DCC: variants seen among roughly 807,000 people sequenced by gnomAD.
The protein encoded by DCC is DCC netrin 1 receptor, also known as netrin receptor DCC.
DCC carries 58 observed loss-of-function variants against 172.5 expected under a neutral mutation model. The observed-to-expected ratio is 0.34, with a 90% CI of 0.27 to 0.42. The LOEUF (loss-of-function observed/expected upper bound fraction) is 0.42. DCC is among the 10% of genes least tolerant of loss of function. The probability of loss-of-function intolerance (pLI) is 1.00; values close to 1 mark genes in which losing one functional copy is unlikely to be tolerated. For synonymous variants in DCC, 709 were observed against 644.5 expected, an observed-to-expected ratio of 1.10 and a Z score of -1.52; for missense variants, 1,740 against 1,791.0, an observed-to-expected ratio of 0.97 and a Z score of 0.51.
chr18:53,443,328 G>A (rs986293381), intron 22 of DCC, among the ~76,000 whole-genome samples: 22 of 152,114 alleles, frequency 1.4e-4, no homozygotes, highest in African/African-American at 5.3e-4. Context: ...AATCTACTCT[G>A]CCTGTACCCT....
At chr18:52,777,879 G>T (rs1351640496) in intron 2 of DCC, among the ~76,000 whole-genome samples, 1 of 152,160 alleles carries the variant, frequency 6.6e-6, no homozygotes, top group Non-Finnish European at 1.5e-5. Context: ...ATGGCAGAAG[G>T]TAGATGGAAA....
chr18:52,610,252 C>T (rs4940194), intron 1 of DCC, among the ~76,000 whole-genome samples: 35,086 of 100,336 alleles, frequency 0.35, 6,795 homozygotes, highest in Middle Eastern at 0.42. Context: ...TGGTGGCAGG[C>T]GCCTGTAATC....
intron 28 of DCC, among the ~76,000 whole-genome samples, chr18:53,529,326 C>T (rs191745377): frequency 8.5e-5 from 13 of 152,150 alleles, no homozygotes; most frequent in Non-Finnish European, 1.6e-4. Context: ...ACTTATTTGG[C>T]AAGATTAGAT....
chr18:53,266,976 C>T (rs979762250), intron 12 of DCC, among the ~76,000 whole-genome samples: 2 of 151,960 alleles, frequency 1.3e-5, no homozygotes, highest in Non-Finnish European at 2.9e-5. Flanking sequence ...AAGAATGCTG[C>T]TATGAATATT....
intron 5 of DCC, among the ~76,000 whole-genome samples, chr18:52,932,536 T>C (rs2040321187): frequency 6.6e-6 from 1 of 152,128 alleles, no homozygotes; most frequent in Non-Finnish European, 1.5e-5. Flanking sequence ...AGCCATTAAG[T>C]TGAACATCAG....
intron 2 of DCC, among the ~76,000 whole-genome samples, chr18:52,837,084 C>T (rs1598852583): frequency 6.6e-6 from 1 of 152,184 alleles, no homozygotes; most frequent in South Asian, 2.1e-4. Flanking sequence ...CCCCTTTTGA[C>T]CATGGCTGGA....
intron 2 of DCC, among the ~76,000 whole-genome samples, chr18:52,870,836 G>T (rs972883078): frequency 6.6e-6 from 1 of 152,020 alleles, no homozygotes; most frequent in Non-Finnish European, 1.5e-5. Context: ...AGCCTTCAGG[G>T]AGATTGATTT....
intron 1 of DCC, among the ~76,000 whole-genome samples, chr18:52,683,765 A>G (rs974013888): frequency 2.0e-5 from 3 of 152,022 alleles, no homozygotes; most frequent in East Asian, 1.9e-4. Flanking sequence ...TGCATAACCC[A>G]TAGTTTGGAA....
At chr18:53,008,619 G>T (rs12326258) in intron 5 of DCC, among the ~76,000 whole-genome samples, 37,187 of 151,602 alleles carry the variant, frequency 0.25, 5,721 homozygotes, top group African/African-American at 0.43. Context: ...TTTTTGAAAT[G>T]AGCCATTTTA....
intron 1 of DCC, among the ~76,000 whole-genome samples, chr18:52,704,520 T>C (rs1225347778): frequency 2.0e-5 from 3 of 152,194 alleles, no homozygotes; most frequent in Non-Finnish European, 4.4e-5. Flanking sequence ...ATCCTGAAAG[T>C]TTATATTTTA....
intron 12 of DCC, among the ~76,000 whole-genome samples, chr18:53,244,313 A>G (rs1020806458): frequency 3.3e-5 from 5 of 152,130 alleles, no homozygotes; most frequent in Non-Finnish European, 5.9e-5. Flanking sequence ...AAAACCAGTG[A>G]TGGGGTTCCT....
intron 1 of DCC, among the ~76,000 whole-genome samples, chr18:52,461,755 G>T (rs1988637870): frequency 6.6e-6 from 1 of 152,144 alleles, no homozygotes; most frequent in South Asian, 2.1e-4. Flanking sequence ...TCTCTACCAA[G>T]ATTTATTTGT....
chr18:53,090,698 CAAAAAAAAAAAAAAAAAAAAA>C lies in DCC; in HGVS notation c.1261+24548_1261+24568del, dbSNP rs59898050. Reference sequence around the variant, plus strand: ...GACAGAGCGAAACTCCGTCCCCCAACAAAAAAAAAAAAAAAAAAAAAAAAAAAAAAAAAAAAGAATGTATCG... The same window carrying C: ...GACAGAGCGAAACTCCGTCCCCCAACAAAAAAAAAAAAAAAGAATGTATCG... On this transcript the variant is annotated intron_variant, in intron 7 of 28. Transcript: ENST00000442544. Among the ~76,000 whole-genome samples, 47 of 39,360 alleles carry C rather than the reference CAAAAAAAAAAAAAAAAAAAAA, an allele frequency of 1.2e-3. 2 individuals are homozygous for C. In the South Asian group the frequency reaches 0.028, roughly 24 times the overall value. The allele number at this position is 39,360 out of a possible 152,430, so 25.8% of individuals were successfully genotyped here. A position where few individuals can be genotyped will look rare whatever the true frequency, so the allele number is the denominator to read the frequency against.
At chr18:52,621,991 A>C (rs991993227) in intron 1 of DCC, among the ~76,000 whole-genome samples, 3 of 152,188 alleles carry the variant, frequency 2.0e-5, no homozygotes, top group African/African-American at 7.2e-5. Context: ...GTTTTTATTT[A>C]CTAATAATAA....
chr18:53,463,087 G>T (rs899044928), intron 24 of DCC, among the ~76,000 whole-genome samples: 7 of 152,238 alleles, frequency 4.6e-5, no homozygotes, highest in Admixed American at 4.6e-4. Context: ...TTTTACAAGT[G>T]ATTCTTCTTC....
intron 1 of DCC, among the ~76,000 whole-genome samples, chr18:52,638,818 G>T (rs528577518): frequency 1.3e-5 from 2 of 152,160 alleles, no homozygotes; most frequent in South Asian, 4.1e-4. Context: ...AGTGAACAAA[G>T]AAACAATGGA....
At chr18:52,452,953 A>T (rs758401480) in intron 1 of DCC, among the ~76,000 whole-genome samples, 1 of 152,232 alleles carries the variant, frequency 6.6e-6, no homozygotes, top group Non-Finnish European at 1.5e-5. Flanking sequence ...AGATATAAAA[A>T]CAGAATTAGC....
Position 53,109,099 on chromosome 18 carries a change from G to A in DCC, c.1261+42933G>A, listed in dbSNP as rs563725649. 1.2e-4 allele frequency among the ~76,000 whole-genome samples: 18 copies of A among 151,476 alleles called. No homozygotes were observed. The South Asian group carries it at 1.5e-3, about 12-fold the overall frequency. On this transcript the variant is annotated intron_variant, in intron 7 of 28. Coordinates refer to ENST00000442544, the MANE Select transcript of DCC (RefSeq NM_005215.4). ...TTTAATTTTAGCCATTTTATGGGCAGGTATAGAATCTCATTGTAGCTTTAA... is the reference window on the plus strand; with the variant it reads ...TTTAATTTTAGCCATTTTATGGGCAAGTATAGAATCTCATTGTAGCTTTAA...
At position 52,868,537 on chromosome 18, in the gene DCC, C is replaced by T. The variant is rs142248515; in HGVS notation, c.413-37507C>T. Among the ~76,000 whole-genome samples the T allele has an allele frequency of 1.5e-3, 223 of 152,322 alleles. 1 individual carries two copies. The highest frequency in any genetic ancestry group is 4.9e-3 in the African/African-American group (203 of 41,570). ...GGCTGACTCCATCTTGCTTCTAGCA[C>T]AGGGTGGCTGTCTTTGCTCATTCCT... On this transcript the variant is annotated intron_variant, in intron 2 of 28. Coordinates refer to ENST00000442544, the MANE Select transcript of DCC (RefSeq NM_005215.4).
Sources: allele counts gnomAD v4.1 joint callset (sites outside exome capture counted in the v4.1 genomes callset), GRCh38; gene constraint gnomAD v4.1.1; transcripts MANE v1.5; gene names NCBI Gene and HGNC (gene_info 2026-07-23, HGNC 2026-07-21).